Variants in CDK14 observed in about 807,000 individuals in gnomAD.
CDK14 encodes the protein cyclin-dependent kinase 14.
CDK14 carries 34 observed loss-of-function variants against 60.7 expected under a neutral mutation model. The ratio of observed to expected loss-of-function variants is 0.56; its 90% confidence interval spans 0.43 to 0.75. CDK14 has a LOEUF of 0.75. Among genes scored for constraint, CDK14 ranks in the 30% least tolerant of loss-of-function variants. The pLI is 0.00. For missense variants in CDK14, 482 were observed against 564.1 expected (o/e 0.85, Z 1.47); for synonymous variants, 197 against 203.7 (o/e 0.97, Z 0.28).
intron 14 of CDK14, among the ~76,000 whole-genome samples, chr7:91,124,144 T>C (rs1799869367): frequency 6.6e-6 from 1 of 152,150 alleles, no homozygotes. Context: ...TGCTTTCGCC[T>C]CACAAAGTGT....
intron 9 of CDK14, among the ~76,000 whole-genome samples, chr7:90,968,386 G>A (rs978824543): frequency 2.6e-4 from 39 of 152,240 alleles, no homozygotes; most frequent in African/African-American, 8.2e-4. Context: ...AAAACAAAAC[G>A]TATTCATAGT....
intron 5 of CDK14, among the ~76,000 whole-genome samples, chr7:90,861,988 G>T (rs73401845): frequency 0.03 from 4,631 of 152,220 alleles, 229 homozygotes; most frequent in African/African-American, 0.1. Context: ...GCTTTTTGGT[G>T]TATGAAACAA....
chr7:90,751,354 T>G (rs1803836830), intron 4 of CDK14, among the ~76,000 whole-genome samples: 1 of 150,286 alleles, frequency 6.7e-6, no homozygotes, highest in South Asian at 2.1e-4. Context: ...GCCAGGAGAG[T>G]TTGGGGGCCT....
At chr7:91,103,843 A>AG (rs1491280967) in intron 12 of CDK14, among the ~76,000 whole-genome samples, 3,676 of 148,254 alleles carry the variant, frequency 0.025, 74 homozygotes, top group South Asian at 0.043. Flanking sequence ...AGAGAGAGAG[A>AG]AAGAGAGAGA....
intron 2 of CDK14, among the ~76,000 whole-genome samples, chr7:90,641,133 T>A (rs1800318084): frequency 6.6e-6 from 1 of 151,530 alleles, no homozygotes; most frequent in Non-Finnish European, 1.5e-5. Flanking sequence ...AACAGGTAAT[T>A]GCAAATGTTG....
At position 90,613,229 on chromosome 7, in the gene CDK14, A is replaced by G. The variant is rs574207964; in HGVS notation, c.123+8980A>G. On this transcript the variant is annotated intron_variant, in intron 2 of 14. Transcript: ENST00000380050. The stretch of plus-strand genomic sequence containing the variant: ...CATTTGGGAGAATTAGTCACTTTCA[A>G]TTTGTAATTCTCAAAAGGCAGAATA... Among the ~76,000 whole-genome samples the G allele has an allele frequency of 3.9e-5, 6 of 152,310 alleles. 1 individual carries two copies. Among genetic ancestry groups the G allele is most frequent in the African/African-American group, 1.2e-4 (5 of 41,582 alleles).
chr7:90,682,953 G>A (rs542022472), intron 2 of CDK14, among the ~76,000 whole-genome samples: 2 of 152,270 alleles, frequency 1.3e-5, no homozygotes, highest in South Asian at 4.1e-4. Context: ...GGCACATGGC[G>A]TCCATCTGCT....
chr7:91,152,819 T>A (rs1039943374), intron 14 of CDK14, among the ~76,000 whole-genome samples: 1 of 152,198 alleles, frequency 6.6e-6, no homozygotes, highest in Admixed American at 6.5e-5. Context: ...AGCACATAAA[T>A]GTGGGAAGCA....
intron 9 of CDK14, among the ~76,000 whole-genome samples, chr7:90,968,622 T>A (rs1794825936): frequency 6.6e-6 from 1 of 152,212 alleles, no homozygotes; most frequent in South Asian, 2.1e-4. Context: ...GGTTCTTCCT[T>A]TATTGTTAGC....
chr7:90,631,883 C>G (rs885972), intron 2 of CDK14: 45,873 of 151,996 alleles, frequency 0.3, 7,762 homozygotes, highest in East Asian at 0.67. Flanking sequence ...AGATGAAGAT[C>G]AAGGAACTAG....
intron 14 of CDK14, among the ~76,000 whole-genome samples, chr7:91,176,849 GA>G (rs1336569409): frequency 6.6e-6 from 1 of 152,142 alleles, no homozygotes; most frequent in Non-Finnish European, 1.5e-5. Context: ...TCCAGGACCA[GA>G]TGGATTCACA....
intron 4 of CDK14, among the ~76,000 whole-genome samples, chr7:90,758,497 AATC>A (rs1485037301): frequency 6.6e-6 from 1 of 152,206 alleles, no homozygotes; most frequent in Non-Finnish European, 1.5e-5. Context: ...AGCACCTTGA[AATC>A]ATCTTTTTAC....
At chr7:90,793,994 A>G (rs1282843618) in intron 5 of CDK14, among the ~76,000 whole-genome samples, 2 of 152,008 alleles carry the variant, frequency 1.3e-5, no homozygotes, top group African/African-American at 2.4e-5. Context: ...GTCCTTTTCT[A>G]TTTTTCCTAA....
chr7:90,683,775 T>C (rs1801372830), intron 2 of CDK14, among the ~76,000 whole-genome samples: 1 of 152,216 alleles, frequency 6.6e-6, no homozygotes, highest in Non-Finnish European at 1.5e-5. Context: ...CACTCCAGCC[T>C]GGGCGACAGA....
chr7:90,988,556 CAG>C (rs1189977999), intron 10 of CDK14, among the ~76,000 whole-genome samples: 2 of 152,122 alleles, frequency 1.3e-5, no homozygotes, highest in South Asian at 2.1e-4. Flanking sequence ...AATATATATT[CAG>C]AGTGACAAAA....
At chr7:90,990,535 A>G (rs1160726713) in intron 10 of CDK14, among the ~76,000 whole-genome samples, 1 of 152,120 alleles carries the variant, frequency 6.6e-6, no homozygotes, top group East Asian at 1.9e-4. Context: ...ATGGCGAAAA[A>G]TCTTTTTCAG....
chr7:90,813,143 T>G (rs1471960091), intron 5 of CDK14, among the ~76,000 whole-genome samples: 3 of 152,212 alleles, frequency 2.0e-5, no homozygotes, highest in African/African-American at 4.8e-5. Context: ...AACACTTGGT[T>G]GTATATACCA....
At chr7:91,138,072 A>T (rs1800340439) in intron 14 of CDK14, among the ~76,000 whole-genome samples, 1 of 152,204 alleles carries the variant, frequency 6.6e-6, no homozygotes, top group African/African-American at 2.4e-5. Flanking sequence ...GTTTAATTAA[A>T]ACTGCCTCTC....
intron 14 of CDK14, among the ~76,000 whole-genome samples, chr7:91,205,874 C>T (rs900851104): frequency 1.3e-5 from 2 of 152,090 alleles, no homozygotes; most frequent in Admixed American, 6.5e-5. Flanking sequence ...CGGCTCACTG[C>T]AACCTCTGCC....
Sources: gnomAD v4.1 joint callset for allele counts (sites outside exome capture counted in the v4.1 genomes callset) on GRCh38, gnomAD v4.1.1 for gene constraint, MANE v1.5 for transcripts, NCBI Gene and HGNC (gene_info 2026-07-23, HGNC 2026-07-21) for gene names.